NTM: variants seen among roughly 807,000 people sequenced by gnomAD.
NTM encodes IgLON family member 2.
Under a neutral mutation model 42.1 loss-of-function variants are expected in NTM, and 13 were observed. The ratio of observed to expected loss-of-function variants is 0.31; its 90% CI spans 0.20 to 0.49. The LOEUF is 0.49. Ranked by LOEUF, NTM falls within the 20% of genes least tolerant of loss-of-function variation. NTM has a pLI of 0.99. For synonymous variants in NTM, 187 were observed against 179.2 expected (o/e 1.04, Z -0.35); for missense variants, 373 against 452.8 (o/e 0.82, Z 1.60).
At chr11:131,381,531 C>T (rs1942680375) in intron 1 of NTM, among the ~76,000 whole-genome samples, 1 of 151,974 alleles carries the variant, frequency 6.6e-6, no homozygotes, top group Non-Finnish European at 1.5e-5. Context: ...GATCTAAATG[C>T]CATATTGTCA....
intron 2 of NTM, among the ~76,000 whole-genome samples, chr11:131,970,986 A>T (rs1388417803): frequency 6.6e-6 from 1 of 152,214 alleles, no homozygotes; most frequent in Non-Finnish European, 1.5e-5. Flanking sequence ...TATTTGATTT[A>T]TCAGGGCTGT....
intron 1 of NTM, among the ~76,000 whole-genome samples, chr11:131,878,427 T>A (rs2137210891): frequency 6.6e-6 from 1 of 150,828 alleles, no homozygotes; most frequent in East Asian, 1.9e-4. Flanking sequence ...CTACAAAAAT[T>A]TGCTAGGCAT....
chr11:132,260,190 A>G (rs1012839499), intron 4 of NTM, among the ~76,000 whole-genome samples: 4 of 152,170 alleles, frequency 2.6e-5, no homozygotes, highest in African/African-American at 9.7e-5. Flanking sequence ...TGAAACAGGC[A>G]GTCTTTCTTT....
chr11:132,070,931 A>C (rs1303941263), intron 2 of NTM, among the ~76,000 whole-genome samples: 62 of 134,458 alleles, frequency 4.6e-4, no homozygotes, highest in African/African-American at 1.7e-3. Flanking sequence ...AACACGTCAC[A>C]CAGCCAAGTT....
chr11:131,589,702 T>C (rs2059199074), intron 1 of NTM, among the ~76,000 whole-genome samples: 1 of 152,200 alleles, frequency 6.6e-6, no homozygotes, highest in South Asian at 2.1e-4. Context: ...TGAAAAATGT[T>C]CCTGCATCCA....
chr11:131,889,033 C>T (rs1350191119), intron 1 of NTM, among the ~76,000 whole-genome samples: 1 of 152,090 alleles, frequency 6.6e-6, no homozygotes, highest in Admixed American at 6.5e-5. Flanking sequence ...TCAAAGGCTG[C>T]TTGGAGTCAC....
intron 1 of NTM, among the ~76,000 whole-genome samples, chr11:131,513,917 T>C (rs2048567963): frequency 6.6e-6 from 1 of 152,088 alleles, no homozygotes; most frequent in Admixed American, 6.6e-5. Flanking sequence ...GAGAAGCAAA[T>C]GTCCCTTCCC....
At chr11:131,385,913 T>C (rs1009809100) in intron 1 of NTM, among the ~76,000 whole-genome samples, 18 of 152,232 alleles carry the variant, frequency 1.2e-4, no homozygotes, top group Middle Eastern at 3.4e-3. Context: ...AGTCAGTGAA[T>C]TGGAAAAAAA....
At chr11:131,699,912 GTGT>G (rs2075891447) in intron 1 of NTM, among the ~76,000 whole-genome samples, 1 of 11,002 alleles carries the variant, frequency 9.1e-5, no homozygotes, top group Non-Finnish European at 2.0e-4. Context: ...AGCAGCAGGT[GTGT>G]GTGTGTGTGT....
intron 2 of NTM, among the ~76,000 whole-genome samples, chr11:132,105,828 C>G (rs189528180): frequency 4.8e-4 from 73 of 152,230 alleles, no homozygotes; most frequent in African/African-American, 1.7e-3. Context: ...ACCATCTTCT[C>G]CGTTTTAACC....
At chr11:132,288,760 C>T (rs1168951818) in intron 4 of NTM, among the ~76,000 whole-genome samples, 1 of 152,048 alleles carries the variant, frequency 6.6e-6, no homozygotes, top group Non-Finnish European at 1.5e-5. Flanking sequence ...GCTGGGATTA[C>T]AGGCGCCCAC....
chr11:131,716,275 T>G (rs908037260), intron 1 of NTM, among the ~76,000 whole-genome samples: 1 of 152,160 alleles, frequency 6.6e-6, no homozygotes, highest in Admixed American at 6.5e-5. Flanking sequence ...GACCCTACCT[T>G]CTAATACCAT....
rs373751586 is a variant in NTM, at chr11:132,307,624, C to G, written c.527-65C>G. 27 of 1,598,980 alleles carry G rather than the reference C, an allele frequency of 1.7e-5. No individual in the cohort carries two copies. The East Asian group carries it at 2.7e-4, about 16-fold the overall frequency. ...ACATAACCATTTTATACTTTGTTTT[C>G]TAAGTGAACATGTTTGGTCTTTTTT... On this transcript the variant is annotated intron_variant, in intron 4 of 8. Coordinates refer to ENST00000683400, the MANE Select transcript of NTM (RefSeq NM_001352005.2).
At chr11:131,485,316 A>T (rs1954048519) in intron 1 of NTM, among the ~76,000 whole-genome samples, 1 of 152,210 alleles carries the variant, frequency 6.6e-6, no homozygotes, top group African/African-American at 2.4e-5. Flanking sequence ...GGGCAGGGGA[A>T]ATTTGGGATC....
chr11:131,970,444 C>T (rs1233069957), intron 2 of NTM, among the ~76,000 whole-genome samples: 3 of 152,154 alleles, frequency 2.0e-5, no homozygotes, highest in Admixed American at 1.3e-4. Flanking sequence ...GTTGCTAATC[C>T]TCTTCTGGAA....
chr11:131,952,095 A>G (rs920952879), intron 2 of NTM, among the ~76,000 whole-genome samples: 3 of 151,918 alleles, frequency 2.0e-5, no homozygotes, highest in Non-Finnish European at 4.4e-5. Context: ...TCCTCCTGAA[A>G]TACTTCCTTC....
intron 7 of NTM, among the ~76,000 whole-genome samples, chr11:132,329,274 A>G (rs780857323): frequency 9.9e-5 from 15 of 152,226 alleles, no homozygotes; most frequent in Non-Finnish European, 1.9e-4. Flanking sequence ...AGGGTGAACG[A>G]CAAAGAGGGA....
chr11:132,019,053 T>C (rs996940514), intron 2 of NTM, among the ~76,000 whole-genome samples: 1 of 151,966 alleles, frequency 6.6e-6, no homozygotes, highest in African/African-American at 2.4e-5. Flanking sequence ...ACGTAGAGTC[T>C]TTACTATTTT....
At chr11:132,139,872 C>T (rs932879915) in intron 2 of NTM, among the ~76,000 whole-genome samples, 1 of 152,158 alleles carries the variant, frequency 6.6e-6, no homozygotes, top group African/African-American at 2.4e-5. Flanking sequence ...TTGTACTCTA[C>T]ACAATGTTCT....
Sources: gnomAD v4.1 joint callset for allele counts (sites outside exome capture counted in the v4.1 genomes callset) on GRCh38, gnomAD v4.1.1 for gene constraint, MANE v1.5 for transcripts, NCBI Gene and HGNC (gene_info 2026-07-23, HGNC 2026-07-21) for gene names.